The following MEOX1 variants were observed in gnomAD, a reference collection of about 807,000 sequenced individuals.
MEOX1 encodes mesenchyme homeobox 1.
MEOX1 carries 17 observed loss-of-function variants against 23.2 expected under a neutral mutation model. The ratio of observed to expected loss-of-function variants is 0.73; its 90% CI spans 0.50 to 1.10. The LOEUF (loss-of-function observed/expected upper bound fraction) is 1.10. Among genes scored for constraint, MEOX1 ranks in the 50% least tolerant of loss-of-function variants. MEOX1 has a pLI of 0.00. For missense variants in MEOX1, 333 were observed against 332.2 expected, an observed-to-expected ratio of 1.00 and a Z score of -0.02; for synonymous variants, 134 against 135.1, an observed-to-expected ratio of 0.99 and a Z score of 0.06.
intron 1 of MEOX1, among the ~76,000 whole-genome samples, chr17:43,656,035 G>C (rs2154588982): frequency 6.6e-6 from 1 of 152,286 alleles, no homozygotes; most frequent in African/African-American, 2.4e-5. Context: ...AATATAAGAT[G>C]TCCCAGGTAA....
At chr17:43,650,384 C>A (rs1469579834) in intron 1 of MEOX1, among the ~76,000 whole-genome samples, 2 of 152,168 alleles carry the variant, frequency 1.3e-5, no homozygotes, top group African/African-American at 4.8e-5. Flanking sequence ...TGGGCTGTCT[C>A]CTATTTTATC....
At chr17:43,655,862 GA>G (rs902118277) in intron 1 of MEOX1, among the ~76,000 whole-genome samples, 1 of 152,036 alleles carries the variant, frequency 6.6e-6, no homozygotes, top group African/African-American at 2.4e-5. Flanking sequence ...TGGGGGAAGG[GA>G]AAAAAGGTCG....
intron 2 of MEOX1, among the ~76,000 whole-genome samples, chr17:43,642,289 AC>A (rs1972711817): frequency 6.6e-6 from 1 of 151,410 alleles, no homozygotes; most frequent in Admixed American, 6.6e-5. Context: ...CATTGGCCCC[AC>A]CCCCTTCACA....
chr17:43,649,347 G>C (rs1972871884), intron 1 of MEOX1, among the ~76,000 whole-genome samples: 1 of 145,408 alleles, frequency 6.9e-6, no homozygotes, highest in Non-Finnish European at 1.5e-5. Context: ...ACCCAGGCTG[G>C]AGATTGGTCA....
intron 1 of MEOX1, 40 bp from the exon 2 acceptor site, chr17:43,643,700 G>C: frequency 1.3e-6 from 2 of 1,561,190 alleles, no homozygotes; most frequent in Non-Finnish European, 1.7e-6. Flanking sequence ...CATGGGCTGA[G>C]GGAGACTCCA....
At chr17:43,642,064 C>T (rs1021186099) in intron 2 of MEOX1, 32 bp from the exon 3 acceptor site, 11 of 1,598,836 alleles carry the variant, frequency 6.9e-6, no homozygotes, top group Non-Finnish European at 9.4e-6. Context: ...CCTGGTCACT[C>T]CAGGGCCGGT....
At position 43,661,267 on chromosome 17, in the gene MEOX1, G is replaced by A; in HGVS notation, c.268C>T (p.Gln90Ter). 6.2e-7 allele frequency: 1 copy of A among 1,609,802 alleles called. No homozygotes were observed. Among genetic ancestry groups the A allele is most frequent in the Non-Finnish European group, 8.5e-7 (1 of 1,177,410 alleles). Residue 90 changes from glutamine to a stop codon, truncating the protein, a stop_gained, in exon 1 of 3, where the codon CAG becomes TAG. Coordinates refer to ENST00000318579, the MANE Select transcript of MEOX1 (RefSeq NM_004527.4). LOFTEE classifies it high-confidence loss of function. Reference sequence around the variant, plus strand: ...ACAGGGAAGTGCCAGTTGGGGGACTGTGGGAAAGCGGGGTGCTGCTCAGTG... The same window carrying A: ...ACAGGGAAGTGCCAGTTGGGGGACTATGGGAAAGCGGGGTGCTGCTCAGTG... Reference protein sequence around the residue: ...IFTEQHPAFPQSPNWHFPVSD... With the variant: ...IFTEQHPAFP
At chr17:43,658,370 G>C (rs2154589021) in intron 1 of MEOX1, among the ~76,000 whole-genome samples, 2 of 152,284 alleles carry the variant, frequency 1.3e-5, no homozygotes, top group East Asian at 3.9e-4. Context: ...AGCCGGGAGA[G>C]GGGGCGTGCG....
At chr17:43,659,019 T>C (rs1336556209) in intron 1 of MEOX1, among the ~76,000 whole-genome samples, 7 of 152,346 alleles carry the variant, frequency 4.6e-5, no homozygotes, top group African/African-American at 1.7e-4. Context: ...CCTGTACTCC[T>C]GGGTGGCCAG....
At position 43,661,432 on chromosome 17, in the gene MEOX1, G is replaced by A; in HGVS notation, c.103C>T (p.Leu35=). The change falls in exon 1 of 3, where the codon CTA becomes TTA. Residue 35 remains leucine (L), a synonymous_variant. Transcript: ENST00000318579. ...PHSEGNGASG[L]PHYPPTPFSF... Reference sequence around the variant, plus strand: ...AACGGGGTGGGCGGGTAGTGGGGTAGCCCTGAGGCCCCATTGCCTTCCGAG... The same window carrying A: ...AACGGGGTGGGCGGGTAGTGGGGTAACCCTGAGGCCCCATTGCCTTCCGAG... 1 of 1,612,400 alleles carries A rather than the reference G, an allele frequency of 6.2e-7. No homozygotes were observed. The highest frequency in any genetic ancestry group is 2.2e-5 in the East Asian group (1 of 44,836).
intron 1 of MEOX1, among the ~76,000 whole-genome samples, chr17:43,656,013 A>G (rs1414361885): frequency 6.6e-6 from 1 of 152,192 alleles, no homozygotes; most frequent in African/African-American, 2.4e-5. Flanking sequence ...ATTTTTAAAA[A>G]AGGAGATTTC....
chr17:43,643,591 T>G lies in MEOX1; in HGVS notation c.539A>C (p.Lys180Thr), dbSNP rs1157906070. Residue 180 changes from lysine to threonine, a missense_variant, in exon 2 of 3, where the codon AAG becomes ACG. By Grantham distance (78) the Lys-to-Thr change is moderately conservative (BLOSUM62 -1). Coordinates refer to ENST00000318579, the MANE Select transcript of MEOX1 (RefSeq NM_004527.4). ...TGCCTCCAGCTCTCGCAGCTGCTCCTTGGTGAAGGCCGTCCTCTCCTTGCG... is the reference window on the plus strand; with the variant it reads ...TGCCTCCAGCTCTCGCAGCTGCTCCGTGGTGAAGGCCGTCCTCTCCTTGCG... ...KARKERTAFT[K>T]EQLRELEAEF... 1 of 1,613,324 alleles carries G rather than the reference T, an allele frequency of 6.2e-7. No homozygotes were observed. Among genetic ancestry groups the G allele is most frequent in the Non-Finnish European group, 8.5e-7 (1 of 1,179,884 alleles).
At chr17:43,657,078 C>CT (rs528807400) in intron 1 of MEOX1, among the ~76,000 whole-genome samples, 4 of 117,032 alleles carry the variant, frequency 3.4e-5, no homozygotes, top group Non-Finnish European at 7.2e-5. Context: ...TTCTTTCTTT[C>CT]TTTTCTTTCT....
intron 1 of MEOX1, among the ~76,000 whole-genome samples, chr17:43,656,136 C>G (rs909619508): frequency 2.0e-5 from 3 of 152,176 alleles, no homozygotes; most frequent in African/African-American, 7.2e-5. Context: ...TTCGACATTT[C>G]TTAACTGTAG....
intron 2 of MEOX1, among the ~76,000 whole-genome samples, chr17:43,642,616 G>A (rs1972716332): frequency 6.6e-6 from 1 of 152,128 alleles, no homozygotes; most frequent in Admixed American, 6.6e-5. Context: ...CAAATATTAC[G>A]GTTATTATTA....
rs1016904100 is a variant in MEOX1, at chr17:43,641,201, C to T, written c.*709G>A. On this transcript the variant is annotated 3_prime_UTR_variant, in exon 3 of 3. Transcript: ENST00000318579. The stretch of plus-strand genomic sequence containing the variant: ...TTCATTCTTGTCCACCCAGTCAAGC[C>T]TGTGTGGACGGGCCTATATGGGGAC... 2.0e-5 allele frequency: 3 copies of T among 152,122 alleles called. No homozygotes were observed. The highest frequency in any genetic ancestry group is 7.2e-5 in the African/African-American group (3 of 41,416). 9.4% of individuals were successfully genotyped at this position (152,122 alleles called of 1,614,324 possible).
chr17:43,661,046 G>A lies in MEOX1; in HGVS notation c.469+20C>T, dbSNP rs1312679624. On this transcript the variant is annotated intron_variant, in intron 1 of 2. Coordinates refer to ENST00000318579, the MANE Select transcript of MEOX1 (RefSeq NM_004527.4). ...GGGTCACACAGTAAAGGAATGATCA[G>A]CTGCTCCTGAGCCACCTACCTGAAC... is the stretch of plus-strand genomic sequence containing the variant. 2 of 1,447,178 alleles carry A rather than the reference G, an allele frequency of 1.4e-6. No individual in the cohort carries two copies. The highest frequency in any genetic ancestry group is 1.8e-6 in the Non-Finnish European group (2 of 1,081,486). 89.6% of individuals were successfully genotyped at this position (1,447,178 alleles called of 1,614,324 possible). A position where few individuals can be genotyped will look rare whatever the true frequency, so the allele number is the denominator to read the frequency against.
At chr17:43,651,326 A>G (rs538034658) in intron 1 of MEOX1, among the ~76,000 whole-genome samples, 1 of 152,276 alleles carries the variant, frequency 6.6e-6, no homozygotes, top group Non-Finnish European at 1.5e-5. Context: ...CTCAGAAAAA[A>G]AAGTCTGGTG....
Position 43,643,471 on chromosome 17 carries a change from G to C in MEOX1, c.642+17C>G. 1 of 1,552,658 alleles carries C rather than the reference G, an allele frequency of 6.4e-7. No individual in the cohort carries two copies. The highest frequency in any genetic ancestry group is 8.7e-7 in the Non-Finnish European group (1 of 1,146,296). ...GATGAGAGAGCAAAGAAGAGGAGGGGCCCACCGGGGGCGCACCTGGCGCTC... is the reference window on the plus strand; with the variant it reads ...GATGAGAGAGCAAAGAAGAGGAGGGCCCCACCGGGGGCGCACCTGGCGCTC... On this transcript the variant is annotated intron_variant, in intron 2 of 2. Transcript: ENST00000318579.
Sources: allele counts gnomAD v4.1 joint callset (sites outside exome capture counted in the v4.1 genomes callset), GRCh38; gene constraint gnomAD v4.1.1; transcripts MANE v1.5; gene names NCBI Gene and HGNC (gene_info 2026-07-23, HGNC 2026-07-21).